Variants in ARHGEF10 observed in about 807,000 individuals in gnomAD.
ARHGEF10 encodes Rho guanine nucleotide exchange factor (GEF) 10.
Under a neutral mutation model 147.4 loss-of-function variants are expected in ARHGEF10, and 140 were observed. That is an observed-to-expected ratio of 0.95 (90% confidence interval 0.83 to 1.09). ARHGEF10 has a LOEUF of 1.09. Among genes scored for constraint, ARHGEF10 ranks in the 50% least tolerant of loss-of-function variants. ARHGEF10 has a pLI of 0.00. For missense variants in ARHGEF10, 2,222 were observed against 1,752.7 expected (o/e 1.27, Z -4.78); for synonymous variants, 902 against 695.8 (o/e 1.30, Z -4.67).
In ARHGEF10 at chr8:1,908,227, A is replaced by ATTTTTTTTTTT. The variant is rs11288174; in HGVS notation, c.1968-1057_1968-1047dup. Among the ~76,000 whole-genome samples the ATTTTTTTTTTT allele has an allele frequency of 1.6e-3, 176 of 110,030 alleles. 4 individuals are homozygous for ATTTTTTTTTTT. Among genetic ancestry groups the ATTTTTTTTTTT allele is most frequent in the African/African-American group, 3.8e-3 (102 of 26,646 alleles). 72.2% of individuals were successfully genotyped at this position (110,030 alleles called of 152,430 possible). A position where few individuals can be genotyped will look rare whatever the true frequency, so the allele number is the denominator to read the frequency against. The stretch of plus-strand genomic sequence containing the variant: ...TTTGGTTATTTCTACCCACACTTTG[A>ATTTTTTTTTTT]TTTTTTTTTTTTTTTTTTTTTGAGA... On this transcript the variant is annotated intron_variant, in intron 17 of 28. Coordinates refer to ENST00000349830, the MANE Select transcript of ARHGEF10 (RefSeq NM_014629.4).
chr8:1,883,336 A>C (rs1808379572), intron 10 of ARHGEF10, among the ~76,000 whole-genome samples: 1 of 152,090 alleles, frequency 6.6e-6, no homozygotes, highest in South Asian at 2.1e-4. Context: ...TTGTGCACGG[A>C]TGTCCTAAGG....
At chr8:1,825,567 G>C (rs925043451) in intron 1 of ARHGEF10, among the ~76,000 whole-genome samples, 14 of 150,246 alleles carry the variant, frequency 9.3e-5, no homozygotes, top group Middle Eastern at 3.3e-3. Flanking sequence ...GGTAGATTCT[G>C]AGGAAACTGC....
At position 1,946,770 on chromosome 8, in the gene ARHGEF10, C is replaced by T. The variant is rs138664373; in HGVS notation, c.3397+1115C>T. Among the ~76,000 whole-genome samples the T allele has an allele frequency of 2.4e-3, 366 of 152,288 alleles. 3 individuals carry two copies. Among genetic ancestry groups the T allele is most frequent in the African/African-American group, 8.0e-3 (333 of 41,568 alleles). On this transcript the variant is annotated intron_variant, in intron 27 of 28. Transcript: ENST00000349830. ...TCTGGTTCTAGAACGGGTGTGAGGC[C>T]GTCCTTTGACAAGGGGAGGATGAGG...
chr8:1,953,913 G>A (rs1255905298), intron 28 of ARHGEF10, among the ~76,000 whole-genome samples: 1 of 152,186 alleles, frequency 6.6e-6, no homozygotes, highest in Non-Finnish European at 1.5e-5. Context: ...CCATTTCTGT[G>A]ATTTCCTCCC....
intron 1 of ARHGEF10, among the ~76,000 whole-genome samples, chr8:1,833,031 CAGAG>C (rs1315437044): frequency 0.029 from 5 of 172 alleles, no homozygotes; most frequent in South Asian, 0.5. Context: ...CAGAGACAGG[CAGAG>C]AGAGACAGAG....
chr8:1,905,137 CA>C (rs1461129048), intron 16 of ARHGEF10, among the ~76,000 whole-genome samples: 1 of 151,914 alleles, frequency 6.6e-6, no homozygotes, highest in Non-Finnish European at 1.5e-5. Flanking sequence ...TCAGAACAAA[CA>C]AACAAAAAAG....
intron 10 of ARHGEF10, among the ~76,000 whole-genome samples, chr8:1,883,836 C>T (rs1484992183): frequency 2.0e-5 from 3 of 152,110 alleles, no homozygotes; most frequent in African/African-American, 7.2e-5. Flanking sequence ...GATTTGGGGC[C>T]ACATTCACTG....
At chr8:1,882,025 G>A (rs1454208604) in intron 9 of ARHGEF10, among the ~76,000 whole-genome samples, 2 of 152,218 alleles carry the variant, frequency 1.3e-5, no homozygotes, top group Admixed American at 6.5e-5. Flanking sequence ...CCGAGGAAGT[G>A]GAGGCAGGGA....
chr8:1,901,264 G>A (rs777668723), intron 15 of ARHGEF10, among the ~76,000 whole-genome samples: 1 of 152,104 alleles, frequency 6.6e-6, no homozygotes, highest in Non-Finnish European at 1.5e-5. Context: ...GGTGGATGGG[G>A]AGACAGTGTG....
intron 7 of ARHGEF10, among the ~76,000 whole-genome samples, chr8:1,872,257 T>C (rs573590813): frequency 3.3e-5 from 5 of 152,326 alleles, no homozygotes; most frequent in South Asian, 4.1e-4. Context: ...TGATCCAACA[T>C]AATGAATGGT....
At chr8:1,934,329 G>C (rs1428066221) in intron 26 of ARHGEF10, among the ~76,000 whole-genome samples, 1 of 146,660 alleles carries the variant, frequency 6.8e-6, no homozygotes, top group Non-Finnish European at 1.5e-5. Flanking sequence ...ACTCCAGCCT[G>C]GGTGACAGAA....
At chr8:1,829,872 A>G (rs1202343587) in intron 1 of ARHGEF10, among the ~76,000 whole-genome samples, 2 of 152,160 alleles carry the variant, frequency 1.3e-5, no homozygotes, top group African/African-American at 4.8e-5. Context: ...TGCTCCTGGA[A>G]TGGCGTTTAG....
chr8:1,912,509 T>C (rs796355731), intron 18 of ARHGEF10, among the ~76,000 whole-genome samples: 6 of 110,390 alleles, frequency 5.4e-5, no homozygotes, highest in African/African-American at 1.8e-4. Flanking sequence ...TCCCCATCCC[T>C]GCAAAAGCAC....
chr8:1,945,399 C>T (rs1391095413), intron 26 of ARHGEF10, 82 bp from the exon 27 acceptor site: 4 of 1,517,272 alleles, frequency 2.6e-6, no homozygotes, highest in Admixed American at 3.9e-5. Flanking sequence ...AATGGCGCTC[C>T]AGCTGGACGC....
chr8:1,830,231 T>C (rs1436137958), intron 1 of ARHGEF10, among the ~76,000 whole-genome samples: 1 of 152,178 alleles, frequency 6.6e-6, no homozygotes, highest in Non-Finnish European at 1.5e-5. Context: ...TCCGCAGGCA[T>C]GCGTGGCAGG....
intron 9 of ARHGEF10, among the ~76,000 whole-genome samples, chr8:1,882,418 C>T (rs542162487): frequency 1.2e-4 from 18 of 152,312 alleles, no homozygotes; most frequent in Non-Finnish European, 2.2e-4. Flanking sequence ...GGGCAGGGAA[C>T]ATGTTTCACC....
chr8:1,835,665 G>A (rs892895029), intron 1 of ARHGEF10, among the ~76,000 whole-genome samples: 5 of 152,172 alleles, frequency 3.3e-5, no homozygotes, highest in African/African-American at 7.2e-5. Context: ...TCCTTTTGCA[G>A]GCCTGGGCAC....
At chr8:1,906,687 C>G (rs1447244452) in intron 17 of ARHGEF10, among the ~76,000 whole-genome samples, 1 of 152,194 alleles carries the variant, frequency 6.6e-6, no homozygotes, top group Non-Finnish European at 1.5e-5. Context: ...ATTACCCTCT[C>G]TGACTTTGCC....
intron 6 of ARHGEF10, among the ~76,000 whole-genome samples, chr8:1,866,869 T>C (rs1001000630): frequency 1.3e-5 from 2 of 152,140 alleles, no homozygotes; most frequent in African/African-American, 2.4e-5. Flanking sequence ...TTTATTATTA[T>C]GGTAACAGTG....
Sources: allele counts gnomAD v4.1 joint callset (sites outside exome capture counted in the v4.1 genomes callset), GRCh38; gene constraint gnomAD v4.1.1; transcripts MANE v1.5; gene names NCBI Gene and HGNC (gene_info 2026-07-23, HGNC 2026-07-21).